PMEPA1: variants seen among roughly 807,000 people sequenced by gnomAD.
PMEPA1 encodes prostate transmembrane protein, androgen induced 1.
In PMEPA1, 11 loss-of-function variants were observed where a neutral mutation model predicts 23.0. The ratio of observed to expected loss-of-function variants is 0.48; its 90% CI spans 0.30 to 0.79. The LOEUF (loss-of-function observed/expected upper bound fraction) is 0.79, where lower values mean the gene tolerates loss of function less well. PMEPA1 is among the 30% of genes least tolerant of loss of function. PMEPA1 has a pLI of 0.06. For synonymous variants in PMEPA1, 204 were observed against 166.4 expected (o/e 1.23, Z -1.74); for missense variants, 377 against 390.9 (o/e 0.96, Z 0.30).
In PMEPA1 at chr20:57,682,319, C is replaced by G. The variant is rs73915296; in HGVS notation, c.110-22622G>C. On this transcript the variant is annotated intron_variant, in intron 1 of 3. Transcript: ENST00000341744. The surrounding 1 kb of genome is among the most constrained non-coding windows in gnomAD (Gnocchi z 4.4). ...CAGAGCGGGGGACCAGCTCCACCAG[C>G]GGTTCCCTGTGTGACCTTGGGCAAG... is the stretch of plus-strand genomic sequence containing the variant. 6.6e-6 allele frequency among the ~76,000 whole-genome samples: 1 copy of G among 152,150 alleles called. No homozygotes were observed.
At position 57,652,221 on chromosome 20, in the gene PMEPA1, G is replaced by A; in HGVS notation, c.696C>T (p.Tyr232=). 1 of 1,608,462 alleles carries A rather than the reference G, an allele frequency of 6.2e-7. No individual in the cohort carries two copies. Among genetic ancestry groups the A allele is most frequent in the Non-Finnish European group, 8.5e-7 (1 of 1,179,332 alleles). ...GGRMEGPPPT[Y]SEVIGHYPGS... ...CCGGGTAGTGGCCGATGACCTCGCT[G>A]TAGGTGGGCGGCGGCCCCTCCATGC... is the stretch of plus-strand genomic sequence containing the variant. Residue 232 remains tyrosine, a synonymous_variant, in exon 4 of 4, where the codon TAC becomes TAT. Coordinates refer to ENST00000341744, the MANE Select transcript of PMEPA1 (RefSeq NM_020182.5). This position sits in a 1 kb window ranked among gnomAD's most constrained non-coding sequence, Gnocchi z 6.1.
chr20:57,701,935 A>C (rs1433349218), intron 1 of PMEPA1, among the ~76,000 whole-genome samples: 3 of 152,130 alleles, frequency 2.0e-5, no homozygotes, highest in Non-Finnish European at 4.4e-5. Context: ...TGGCACAGCT[A>C]ATGACACAAA....
intron 2 of PMEPA1, among the ~76,000 whole-genome samples, chr20:57,657,222 C>A (rs2071338615): frequency 6.6e-6 from 1 of 152,190 alleles, no homozygotes; most frequent in African/African-American, 2.4e-5. Context: ...TAGCTTCAAC[C>A]CACTGTGGAG....
At chr20:57,709,210 G>A (rs2072129466) in intron 1 of PMEPA1, among the ~76,000 whole-genome samples, 1 of 151,138 alleles carries the variant, frequency 6.6e-6, no homozygotes, top group African/African-American at 2.4e-5. Context: ...GTGCGCCGCC[G>A]CTGAGCCCCG....
chr20:57,698,563 G>C (rs994032255), intron 1 of PMEPA1, among the ~76,000 whole-genome samples: 1 of 152,194 alleles, frequency 6.6e-6, no homozygotes, highest in Non-Finnish European at 1.5e-5. Flanking sequence ...GGGTGTTTGC[G>C]CAAAGTTGAT....
intron 1 of PMEPA1, among the ~76,000 whole-genome samples, chr20:57,706,028 A>G (rs369642406): frequency 2.6e-5 from 4 of 152,194 alleles, no homozygotes; most frequent in African/African-American, 4.8e-5. Flanking sequence ...TGAGTTTCTG[A>G]TATTTTCTCA....
chr20:57,660,223 G>C (rs573430954), intron 1 of PMEPA1, among the ~76,000 whole-genome samples: 1 of 152,158 alleles, frequency 6.6e-6, no homozygotes, highest in East Asian at 1.9e-4. Flanking sequence ...GAGTTTGGGA[G>C]TGAAGCTTTG....
In PMEPA1 at chr20:57,650,971, C is replaced by T. The variant is rs1479002290; in HGVS notation, c.*1082G>A. On this transcript the variant is annotated 3_prime_UTR_variant, in exon 4 of 4. Transcript: ENST00000341744. Reference sequence around the variant, plus strand: ...GCCCTCTGGCATGTCCCTGGTAGCCCGGGCACCAGCCGCTGCGGCTTGTGA... The same window carrying T: ...GCCCTCTGGCATGTCCCTGGTAGCCTGGGCACCAGCCGCTGCGGCTTGTGA... 1 of 152,202 alleles carries T rather than the reference C, an allele frequency of 6.6e-6. No individual in the cohort carries two copies. The highest frequency in any genetic ancestry group is 2.4e-5 in the African/African-American group (1 of 41,430). The allele number at this position is 152,202 out of a possible 1,614,324, so 9.4% of individuals were successfully genotyped here. A position where few individuals can be genotyped will look rare whatever the true frequency, so the allele number is the denominator to read the frequency against.
intron 1 of PMEPA1, among the ~76,000 whole-genome samples, chr20:57,688,405 C>A (rs2071830428): frequency 6.6e-6 from 1 of 152,112 alleles, no homozygotes; most frequent in South Asian, 2.1e-4. Context: ...TGGCCTCTAC[C>A]TACTAGACGC....
chr20:57,666,524 GT>G (rs1233884845), intron 1 of PMEPA1, among the ~76,000 whole-genome samples: 1 of 152,146 alleles, frequency 6.6e-6, no homozygotes, highest in Non-Finnish European at 1.5e-5. Flanking sequence ...AAGCCTGACC[GT>G]TTGCCCGACC....
chr20:57,707,644 G>GT (rs1568690721), intron 1 of PMEPA1, among the ~76,000 whole-genome samples: 1 of 147,114 alleles, frequency 6.8e-6, no homozygotes, highest in Non-Finnish European at 1.5e-5. Context: ...TAAGAACAAT[G>GT]CTTTTTTTTT....
At position 57,655,806 on chromosome 20, in the gene PMEPA1, G is replaced by A. The variant is rs2071318749; in HGVS notation, c.265-2720C>T. On this transcript the variant is annotated intron_variant, in intron 2 of 3. Transcript: ENST00000341744. This position sits in a 1 kb window ranked among gnomAD's most constrained non-coding sequence, Gnocchi z 4.2. ...TTAGATGCTTCTAGACCAAGGGTCT[G>A]AAAACTGTTTCCATAAAGAGCCAGA... Among the ~76,000 whole-genome samples the A allele has an allele frequency of 6.6e-6, 1 of 152,200 alleles. No individual in the cohort carries two copies. Among genetic ancestry groups the A allele is most frequent in the South Asian group, 2.1e-4 (1 of 4,824 alleles).
chr20:57,672,409 G>A (rs1391914176), intron 1 of PMEPA1, among the ~76,000 whole-genome samples: 6 of 152,368 alleles, frequency 3.9e-5, no homozygotes, highest in South Asian at 4.1e-4. Flanking sequence ...CCGGGGCTCC[G>A]TTTCCAAGGC....
intron 1 of PMEPA1, among the ~76,000 whole-genome samples, chr20:57,677,542 G>A (rs1402452226): frequency 1.3e-5 from 2 of 152,166 alleles, no homozygotes; most frequent in Non-Finnish European, 2.9e-5. Context: ...TCTGCAAAAT[G>A]TCCATTCCCC....
intron 1 of PMEPA1, among the ~76,000 whole-genome samples, chr20:57,703,610 G>T (rs2072040035): frequency 6.6e-6 from 1 of 152,218 alleles, no homozygotes; most frequent in Non-Finnish European, 1.5e-5. Flanking sequence ...GGTCTGCGGT[G>T]GGCCTGGCAA....
At chr20:57,669,864 A>T (rs978491817) in intron 1 of PMEPA1, among the ~76,000 whole-genome samples, 1 of 148,768 alleles carries the variant, frequency 6.7e-6, no homozygotes, top group African/African-American at 2.5e-5. Flanking sequence ...AATTATATTT[A>T]TAGTAAAAGA....
At chr20:57,708,639 G>A (rs367823655) in intron 1 of PMEPA1, among the ~76,000 whole-genome samples, 22 of 152,272 alleles carry the variant, frequency 1.4e-4, no homozygotes, top group African/African-American at 4.3e-4. Context: ...GAACCAAGCT[G>A]TCCAGACAGA....
At chr20:57,657,604 C>A (rs1038573772) in intron 2 of PMEPA1, among the ~76,000 whole-genome samples, 1 of 152,066 alleles carries the variant, frequency 6.6e-6, no homozygotes, top group African/African-American at 2.4e-5. Context: ...GCACAGTGGG[C>A]CCCGGGTCTG....
rs2071742925 is a variant in PMEPA1, at chr20:57,683,106, C to T, written c.110-23409G>A. ...CATTTACGCCACACTTGTCCTTAAG[C>T]TCAGATCTCCCTGAGCAGGTAGAGG... On this transcript the variant is annotated intron_variant, in intron 1 of 3. Coordinates refer to ENST00000341744, the MANE Select transcript of PMEPA1 (RefSeq NM_020182.5). This position sits in a 1 kb window ranked among gnomAD's most constrained non-coding sequence, Gnocchi z 4.3. Among the ~76,000 whole-genome samples the T allele has an allele frequency of 6.6e-6, 1 of 152,220 alleles. No individual in the cohort carries two copies.
Sources: allele counts gnomAD v4.1 joint callset (sites outside exome capture counted in the v4.1 genomes callset), GRCh38; gene constraint gnomAD v4.1.1; non-coding constraint Gnocchi (gnomAD v3.1); transcripts MANE v1.5; gene names NCBI Gene and HGNC (gene_info 2026-07-23, HGNC 2026-07-21).